SORL1: variants seen among roughly 807,000 people sequenced by gnomAD.
The protein encoded by SORL1 is sortilin-related receptor.
SORL1 carries 127 observed loss-of-function variants against 273.7 expected under a neutral mutation model. The observed-to-expected ratio is 0.46, with a 90% CI of 0.40 to 0.54. SORL1 has a LOEUF of 0.54. Among genes scored for constraint, SORL1 ranks in the 20% least tolerant of loss-of-function variants. SORL1 has a pLI of 0.00. For synonymous variants in SORL1, 1,031 were observed against 1,067.4 expected (o/e 0.97, Z 0.66); for missense variants, 2,494 against 2,846.1 (o/e 0.88, Z 2.81).
intron 8 of SORL1, among the ~76,000 whole-genome samples, chr11:121,516,599 T>C (rs970374095): frequency 6.6e-6 from 1 of 152,206 alleles, no homozygotes; most frequent in Non-Finnish European, 1.5e-5. Context: ...GCTGTCATCT[T>C]TTATTCCTTT....
At chr11:121,537,855 CA>C (rs1862288633) in intron 12 of SORL1, among the ~76,000 whole-genome samples, 1 of 152,204 alleles carries the variant, frequency 6.6e-6, no homozygotes, top group Non-Finnish European at 1.5e-5. Context: ...TGGAGATGCA[CA>C]GTAGATACTT....
At chr11:121,584,779 G>A (rs1863069526) in intron 26 of SORL1, among the ~76,000 whole-genome samples, 1 of 152,114 alleles carries the variant, frequency 6.6e-6, no homozygotes, top group South Asian at 2.1e-4. Flanking sequence ...TTTTTGTAGA[G>A]ATGAGGTTTT....
intron 27 of SORL1, among the ~76,000 whole-genome samples, chr11:121,586,711 G>T (rs1327556696): frequency 2.3e-5 from 3 of 127,752 alleles, no homozygotes; most frequent in South Asian, 2.9e-4. Flanking sequence ...GGGGCGGGGG[G>T]GGGGCATTTT....
chr11:121,549,142 A>G (rs1322366263), intron 14 of SORL1, among the ~76,000 whole-genome samples: 1 of 152,170 alleles, frequency 6.6e-6, no homozygotes, highest in East Asian at 1.9e-4. Context: ...GGTCTCATGA[A>G]CCTAACTACT....
chr11:121,574,204 T>C (rs1006667527), intron 23 of SORL1, 37 bp from the exon 24 acceptor site: 1 of 1,607,998 alleles, frequency 6.2e-7, no homozygotes, highest in Non-Finnish European at 8.5e-7. Flanking sequence ...AAATCAATTG[T>C]ACCTAAGGAA....
intron 33 of SORL1, 67 bp downstream of exon 33, chr11:121,604,391 C>G: frequency 6.3e-7 from 1 of 1,579,704 alleles, no homozygotes; most frequent in Non-Finnish European, 8.6e-7. Context: ...CCCAGGGCCC[C>G]TCCTGTGTAG....
intron 6 of SORL1, among the ~76,000 whole-genome samples, chr11:121,502,311 AT>A (rs1303332191): frequency 4.0e-5 from 6 of 150,406 alleles, no homozygotes; most frequent in Non-Finnish European, 8.9e-5. Context: ...AATTTTTTGT[AT>A]TTTTTAGTAG....
chr11:121,612,837 C>G lies in SORL1; in HGVS notation c.5419+5C>G, dbSNP rs1245258605. ...GAAGCATATTGTCACACAAAGGTAA[C>G]ACTTTGGTGCTGGTCAGTGTGTGTG... On this transcript the variant is annotated splice_donor_5th_base_variant and intron_variant, in intron 40 of 47. Transcript: ENST00000260197. 3 of 1,599,464 alleles carry G rather than the reference C, an allele frequency of 1.9e-6. No homozygotes were observed. The highest frequency in any genetic ancestry group is 1.7e-5 in the Admixed American group (1 of 59,938).
intron 6 of SORL1, among the ~76,000 whole-genome samples, chr11:121,497,369 A>G (rs1861648682): frequency 6.6e-6 from 1 of 152,138 alleles, no homozygotes; most frequent in African/African-American, 2.4e-5. Context: ...AAGAACAAAG[A>G]ATGGAGAGGG....
intron 12 of SORL1, among the ~76,000 whole-genome samples, chr11:121,542,845 G>C (rs2134885435): frequency 6.7e-6 from 1 of 149,196 alleles, no homozygotes; most frequent in Non-Finnish European, 1.5e-5. Context: ...TATATATATT[G>C]TTGTGTCCAA....
At chr11:121,597,379 A>G (rs1392899471) in intron 32 of SORL1, among the ~76,000 whole-genome samples, 1 of 152,026 alleles carries the variant, frequency 6.6e-6, no homozygotes, top group Non-Finnish European at 1.5e-5. Flanking sequence ...GTTTCTGGCA[A>G]TACAAATTCT....
At chr11:121,454,228 C>T (rs998631547) in intron 1 of SORL1, among the ~76,000 whole-genome samples, 1 of 152,254 alleles carries the variant, frequency 6.6e-6, no homozygotes, top group African/African-American at 2.4e-5. Context: ...TGGGCCTCCG[C>T]AGTCAGCCCA....
At chr11:121,467,313 C>A (rs1861099010) in intron 1 of SORL1, among the ~76,000 whole-genome samples, 1 of 152,194 alleles carries the variant, frequency 6.6e-6, no homozygotes, top group African/African-American at 2.4e-5. Context: ...TCTCACCTTT[C>A]ACCTGCCTTG....
chr11:121,534,146 A>C (rs1439833479), intron 12 of SORL1, among the ~76,000 whole-genome samples: 1 of 152,196 alleles, frequency 6.6e-6, no homozygotes, highest in Non-Finnish European at 1.5e-5. Context: ...TATGTGTGTA[A>C]TACGCACGTA....
intron 30 of SORL1, chr11:121,590,464 G>C (rs1265071546): frequency 2.0e-6 from 1 of 494,492 alleles, no homozygotes; most frequent in African/African-American, 1.9e-5. Flanking sequence ...CTTGGAACTT[G>C]TTAGAAATGT....
Position 121,452,445 on chromosome 11 carries a change from C to T in SORL1, c.114C>T (p.Gly38=). The part of the protein sequence containing the change: ...CEVWTQRLHG[G]SAPLPQDRGF... ...TCTGGACGCAGAGGCTGCACGGCGG[C>T]AGCGCGCCCTTGCCCCAGGACCGGG... Residue 38 remains glycine, a synonymous_variant, in exon 1 of 48, where the codon GGC becomes GGT. Coordinates refer to ENST00000260197, the MANE Select transcript of SORL1 (RefSeq NM_003105.6). The surrounding 1 kb of genome is among the most constrained non-coding windows in gnomAD (Gnocchi z 5.3). 2 of 1,499,194 alleles carry T rather than the reference C, an allele frequency of 1.3e-6. No homozygotes were observed. The highest frequency in any genetic ancestry group is 1.3e-5 in the South Asian group (1 of 78,154). The allele number at this position is 1,499,194 out of a possible 1,614,324, so 92.9% of individuals were successfully genotyped here. A position where few individuals can be genotyped will look rare whatever the true frequency, so the allele number is the denominator to read the frequency against.
Position 121,545,326 on chromosome 11 carries a change from G to T in SORL1, c.1948G>T (p.Val650Phe). 6.2e-7 allele frequency: 1 copy of T among 1,614,172 alleles called. No individual in the cohort carries two copies. The highest frequency in any genetic ancestry group is 8.5e-7 in the Non-Finnish European group (1 of 1,180,008). ...TGAGTGTTTGCTGGGACACAAGACT[G>T]TTTTCAAACGGCGGACCCCCCATGC... ...GNECLLGHKT[V>F]FKRRTPHATC... The change falls in exon 14 of 48, where the codon GTT (valine) becomes TTT (phenylalanine). Residue 650 changes from valine (V) to phenylalanine (F), a missense_variant. Around this residue, in one of 3 missense-constraint regions of SORL1, gnomAD observed 710 missense variants for 882.5 expected, o/e 0.80. Transcript: ENST00000260197.
At chr11:121,551,187 C>G (rs891342850) in intron 16 of SORL1, among the ~76,000 whole-genome samples, 1 of 152,008 alleles carries the variant, frequency 6.6e-6, no homozygotes, top group African/African-American at 2.4e-5. Flanking sequence ...TTGTTTTTTA[C>G]TTTTTCACGA....
chr11:121,503,234 T>G (rs895376960), intron 6 of SORL1, among the ~76,000 whole-genome samples: 1 of 152,150 alleles, frequency 6.6e-6, no homozygotes, highest in Non-Finnish European at 1.5e-5. Flanking sequence ...TGTTGTTATA[T>G]CCAAGAAACT....
Sources: allele counts gnomAD v4.1 joint callset (sites outside exome capture counted in the v4.1 genomes callset), GRCh38; gene constraint gnomAD v4.1.1; regional missense constraint gnomAD v4.1.1; non-coding constraint Gnocchi (gnomAD v3.1); transcripts MANE v1.5; gene names NCBI Gene and HGNC (gene_info 2026-07-23, HGNC 2026-07-21).